The following ARHGAP15 variants were observed in gnomAD, a reference collection of about 807,000 sequenced individuals.
ARHGAP15 encodes rho GTPase-activating protein 15.
In ARHGAP15, 51 loss-of-function variants were observed where a neutral mutation model predicts 63.7. The observed-to-expected ratio is 0.80, with a 90% confidence interval of 0.64 to 1.01. ARHGAP15 has a LOEUF of 1.01. Among genes scored for constraint, ARHGAP15 ranks in the 50% least tolerant of loss-of-function variants. The probability of loss-of-function intolerance (pLI) is 0.00; values close to 1 mark genes in which losing one functional copy is unlikely to be tolerated. For synonymous variants in ARHGAP15, 191 were observed against 193.8 expected (o/e 0.99, Z 0.12); for missense variants, 560 against 564.6 (o/e 0.99, Z 0.08).
At chr2:143,638,830 C>T (rs951487018) in intron 12 of ARHGAP15, among the ~76,000 whole-genome samples, 1 of 151,908 alleles carries the variant, frequency 6.6e-6, no homozygotes, top group African/African-American at 2.4e-5. Flanking sequence ...AACCCCATAA[C>T]TGTCCATATG....
chr2:143,489,675 TTTTAATCAG>T, intron 9 of ARHGAP15, among the ~76,000 whole-genome samples: 1 of 152,332 alleles, frequency 6.6e-6, no homozygotes. Context: ...AAATCAGTAT[TTTTAATCAG>T]TTAAGAAAAA....
intron 12 of ARHGAP15, among the ~76,000 whole-genome samples, chr2:143,688,418 C>G (rs1683446924): frequency 6.6e-6 from 1 of 152,116 alleles, no homozygotes; most frequent in African/African-American, 2.4e-5. Flanking sequence ...TCAAATGCCC[C>G]CAGAGCTTTC....
At chr2:143,495,178 A>C (rs13004634) in intron 9 of ARHGAP15, among the ~76,000 whole-genome samples, 1 of 151,576 alleles carries the variant, frequency 6.6e-6, no homozygotes, top group Non-Finnish European at 1.5e-5. Flanking sequence ...TCTTTCCTTC[A>C]TTTCATCTTG....
chr2:143,721,060 T>TAAAAAA (rs1685034146), intron 13 of ARHGAP15, among the ~76,000 whole-genome samples: 6 of 10,374 alleles, frequency 5.8e-4, no homozygotes, highest in Non-Finnish European at 2.9e-3. Context: ...AGACTCCGTC[T>TAAAAAA]CAAAAAAAAA....
At chr2:143,286,546 T>C (rs1353964288) in intron 6 of ARHGAP15, among the ~76,000 whole-genome samples, 1 of 152,218 alleles carries the variant, frequency 6.6e-6, no homozygotes, top group Non-Finnish European at 1.5e-5. Context: ...TGCTCACCCA[T>C]ATGTATACAT....
intron 13 of ARHGAP15, among the ~76,000 whole-genome samples, chr2:143,717,800 G>A (rs921745026): frequency 2.0e-5 from 3 of 151,484 alleles, no homozygotes; most frequent in African/African-American, 7.3e-5. Flanking sequence ...AGTCAAGGCT[G>A]TGCAGCCTTT....
chr2:143,227,454 T>C (rs1461040164), intron 4 of ARHGAP15, among the ~76,000 whole-genome samples: 3 of 152,114 alleles, frequency 2.0e-5, no homozygotes, highest in African/African-American at 4.8e-5. Context: ...CATTTCTTAA[T>C]GGAGGATAGA....
At chr2:143,236,602 A>G (rs1200588481) in intron 5 of ARHGAP15, 1 of 152,182 alleles carries the variant, frequency 6.6e-6, no homozygotes, top group African/African-American at 2.4e-5. Context: ...ATGATAACTC[A>G]AGAGAAGAGT....
At chr2:143,330,112 A>AC (rs1558897749) in intron 6 of ARHGAP15, among the ~76,000 whole-genome samples, 6 of 87,992 alleles carry the variant, frequency 6.8e-5, no homozygotes, top group African/African-American at 2.2e-4. Context: ...AAAAAAAAAA[A>AC]AAAAAAAAAA....
intron 10 of ARHGAP15, among the ~76,000 whole-genome samples, chr2:143,541,354 T>C (rs1313490622): frequency 3.3e-5 from 5 of 152,226 alleles, no homozygotes; most frequent in Admixed American, 3.3e-4. Flanking sequence ...AATTTGATCT[T>C]CTGAAGCCTT....
Position 143,731,264 on chromosome 2 carries a change from A to G in ARHGAP15, c.1244+27740A>G, listed in dbSNP as rs576639865. The stretch of plus-strand genomic sequence containing the variant: ...GAAGGCATTTGAGCTCCAACTGACT[A>G]ATTATTCTAGGTCGTTAAATACAGT... On this transcript the variant is annotated intron_variant, in intron 13 of 13. Coordinates refer to ENST00000295095, the MANE Select transcript of ARHGAP15 (RefSeq NM_018460.4). 4.6e-5 allele frequency among the ~76,000 whole-genome samples: 7 copies of G among 152,264 alleles called. No individual in the cohort carries two copies. The East Asian group carries it at 9.6e-4, about 21-fold the overall frequency.
intron 12 of ARHGAP15, among the ~76,000 whole-genome samples, chr2:143,689,364 T>G (rs983068828): frequency 6.6e-6 from 1 of 152,162 alleles, no homozygotes; most frequent in African/African-American, 2.4e-5. Flanking sequence ...TGTCAAATTT[T>G]ATTAGAGATA....
chr2:143,260,812 T>C (rs1326565567), intron 6 of ARHGAP15, among the ~76,000 whole-genome samples: 1 of 152,196 alleles, frequency 6.6e-6, no homozygotes, highest in Non-Finnish European at 1.5e-5. Context: ...GGAAGAATGT[T>C]GCTCATCTTC....
chr2:143,592,668 T>C (rs532542336), intron 11 of ARHGAP15, among the ~76,000 whole-genome samples: 124 of 152,326 alleles, frequency 8.1e-4, no homozygotes, highest in South Asian at 6.4e-3. Context: ...AGAGCAGCTA[T>C]GCCAAGAAGA....
chr2:143,642,808 G>A (rs1017421857), intron 12 of ARHGAP15, among the ~76,000 whole-genome samples: 2 of 152,138 alleles, frequency 1.3e-5, no homozygotes, highest in African/African-American at 4.8e-5. Flanking sequence ...GCCAGGGAAT[G>A]TTGGCTCCAG....
In ARHGAP15 at chr2:143,378,464, A is replaced by G. The variant is rs182250357; in HGVS notation, c.475-57137A>G. Among the ~76,000 whole-genome samples the G allele has an allele frequency of 6.0e-3, 907 of 152,126 alleles. 3 individuals carry two copies. Among genetic ancestry groups the G allele is most frequent in the South Asian group, 0.013 (64 of 4,826 alleles). On this transcript the variant is annotated intron_variant, in intron 6 of 13. Transcript: ENST00000295095. ...CCAAAATAGTAATATACTGGATCAAACCCAATATCTTTCCTGTTCTGAATT... is the reference window on the plus strand; with the variant it reads ...CCAAAATAGTAATATACTGGATCAAGCCCAATATCTTTCCTGTTCTGAATT...
intron 8 of ARHGAP15, among the ~76,000 whole-genome samples, chr2:143,482,186 T>C (rs1043942254): frequency 1.3e-5 from 2 of 152,168 alleles, no homozygotes; most frequent in Non-Finnish European, 2.9e-5. Flanking sequence ...GCAAATCAGA[T>C]TAAATATTTC....
intron 6 of ARHGAP15, among the ~76,000 whole-genome samples, chr2:143,301,343 T>C (rs1682886144): frequency 6.6e-6 from 1 of 151,980 alleles, no homozygotes; most frequent in African/African-American, 2.4e-5. Context: ...ATTTGCCTCT[T>C]GTCATATTCA....
At chr2:143,321,637 C>CT (rs1378186164) in intron 6 of ARHGAP15, among the ~76,000 whole-genome samples, 1 of 152,264 alleles carries the variant, frequency 6.6e-6, no homozygotes, top group East Asian at 1.9e-4. Context: ...GCCCCATAAT[C>CT]TGAGAGTACT....
Sources: gnomAD v4.1 joint callset for allele counts (sites outside exome capture counted in the v4.1 genomes callset) on GRCh38, gnomAD v4.1.1 for gene constraint, MANE v1.5 for transcripts, NCBI Gene and HGNC (gene_info 2026-07-23, HGNC 2026-07-21) for gene names.